TBC1D2: variants seen among roughly 807,000 people sequenced by gnomAD.
TBC1D2 encodes the protein TBC1 domain family member 2A.
TBC1D2 carries 58 observed loss-of-function variants against 91.1 expected under a neutral mutation model. That is an observed-to-expected ratio of 0.64 (90% CI 0.52 to 0.79). The LOEUF (loss-of-function observed/expected upper bound fraction) is 0.79, where lower values mean the gene tolerates loss of function less well. Among genes scored for constraint, TBC1D2 ranks in the 30% least tolerant of loss-of-function variants. TBC1D2 has a pLI of 0.00. For missense variants in TBC1D2, 1,080 were observed against 1,208.3 expected (o/e 0.89, Z 1.57); for synonymous variants, 482 against 511.5 (o/e 0.94, Z 0.78).
At chr9:98,227,343 G>A (rs1016178918) in intron 5 of TBC1D2, among the ~76,000 whole-genome samples, 31 of 152,326 alleles carry the variant, frequency 2.0e-4, no homozygotes, top group African/African-American at 7.5e-4. Context: ...CTGGAACACT[G>A]CATGCACATA....
intron 2 of TBC1D2, among the ~76,000 whole-genome samples, chr9:98,247,455 A>G (rs1464759596): frequency 6.6e-6 from 1 of 150,666 alleles, no homozygotes; most frequent in Admixed American, 6.6e-5. Flanking sequence ...TGGGCTGGGC[A>G]CGATGGCTCA....
Position 98,200,297 on chromosome 9 carries a change from G to T in TBC1D2, c.2535C>A (p.Ile845=). The T allele has an allele frequency of 3.7e-6, 6 of 1,613,842 alleles. No homozygotes were observed. The highest frequency in any genetic ancestry group is 5.1e-6 in the Non-Finnish European group (6 of 1,179,960). The change falls in exon 12 of 13, where the codon ATC becomes ATA. Residue 845 remains isoleucine (I), a synonymous_variant. Transcript: ENST00000465784. ...EILRLQNGLE[I]YQYLRFFTKT... ...TGGTGAAGAAGCGCAGGTACTGGTA[G>T]ATTTCCAGGCCATTCTGTAGCCTCA...
At chr9:98,250,864 TG>T (rs1829859166) in intron 2 of TBC1D2, among the ~76,000 whole-genome samples, 1 of 151,546 alleles carries the variant, frequency 6.6e-6, no homozygotes, top group Non-Finnish European at 1.5e-5. Flanking sequence ...GGCTGCAGCA[TG>T]GGGGTGGGAG....
At chr9:98,220,114 G>C (rs1588043022) in intron 6 of TBC1D2, among the ~76,000 whole-genome samples, 1 of 152,204 alleles carries the variant, frequency 6.6e-6, no homozygotes, top group East Asian at 1.9e-4. Context: ...AGCAGGGATG[G>C]TGGCAGCAGC....
intron 2 of TBC1D2, among the ~76,000 whole-genome samples, chr9:98,249,857 A>G (rs1025203869): frequency 6.6e-6 from 1 of 152,160 alleles, no homozygotes; most frequent in South Asian, 2.1e-4. Flanking sequence ...AGGGGTTTAC[A>G]TTCCTTTCCT....
At chr9:98,200,426 TC>T in intron 11 of TBC1D2, 52 bp from the exon 12 acceptor site, 2 of 1,534,438 alleles carry the variant, frequency 1.3e-6, no homozygotes. Context: ...AGGCAGGTCA[TC>T]CCCGGAGGGA....
intron 5 of TBC1D2, among the ~76,000 whole-genome samples, chr9:98,224,636 T>G (rs547597169): frequency 2.0e-5 from 3 of 152,344 alleles, no homozygotes; most frequent in African/African-American, 7.2e-5. Flanking sequence ...TCTCAGATTT[T>G]GATACGTGGT....
At chr9:98,244,943 G>T (rs1732063626) in intron 2 of TBC1D2, among the ~76,000 whole-genome samples, 4 of 151,964 alleles carry the variant, frequency 2.6e-5, no homozygotes, top group Admixed American at 2.6e-4. Flanking sequence ...GAAAAAGCCA[G>T]ATTAAAAAAA....
chr9:98,210,556 G>T, intron 8 of TBC1D2, 100 bp downstream of exon 8: 1 of 1,176,408 alleles, frequency 8.5e-7, no homozygotes, highest in South Asian at 1.6e-5. Context: ...AGGTAGTGCT[G>T]TGTAGGACTT....
At chr9:98,213,057 CA>C in intron 7 of TBC1D2, 50 bp downstream of exon 7, 1 of 1,599,340 alleles carries the variant, frequency 6.3e-7, no homozygotes, top group Non-Finnish European at 8.6e-7. Flanking sequence ...GCATGGGGAC[CA>C]GCAGAGGGGC....
At position 98,220,888 on chromosome 9, in the gene TBC1D2, G is replaced by A. The variant is rs1220645989; in HGVS notation, c.1319C>T (p.Pro440Leu). ...CAGGAAGTCCCTGTTGGCAGCGTCGGGGCGCAAAGGAGACTGGTCAGGGGG... is the reference window on the plus strand; with the variant it reads ...CAGGAAGTCCCTGTTGGCAGCGTCGAGGCGCAAAGGAGACTGGTCAGGGGG... ...THPPDQSPLR[P>L]DAANRDFLSQ... Residue 440 changes from proline to leucine, a missense_variant, in exon 6 of 13, where the codon CCC becomes CTC. Pro to Leu is a moderately conservative substitution (Grantham distance 98, BLOSUM62 -3). Transcript: ENST00000465784. The A allele has an allele frequency of 2.5e-6, 4 of 1,614,122 alleles. No homozygotes were observed. The highest frequency in any genetic ancestry group is 1.1e-5 in the South Asian group (1 of 91,082).
At chr9:98,239,206 G>C (rs1200291727) in intron 3 of TBC1D2, among the ~76,000 whole-genome samples, 1 of 151,950 alleles carries the variant, frequency 6.6e-6, no homozygotes, top group Non-Finnish European at 1.5e-5. Context: ...CTACAGGTGT[G>C]TGCCACCACA....
chr9:98,199,322 C>T lies in TBC1D2; in HGVS notation c.*59G>A. On this transcript the variant is annotated 3_prime_UTR_variant, in exon 13 of 13. Transcript: ENST00000465784. Reference sequence around the variant, plus strand: ...GGCTGGGCCACTGGTCCGTGCCTGACCTCCAGTGGGTCTGCCAGCCAAGGG... The same window carrying T: ...GGCTGGGCCACTGGTCCGTGCCTGATCTCCAGTGGGTCTGCCAGCCAAGGG... 6.3e-7 allele frequency: 1 copy of T among 1,595,246 alleles called. No individual in the cohort carries two copies. The highest frequency in any genetic ancestry group is 8.6e-7 in the Non-Finnish European group (1 of 1,166,306).
Position 98,199,534 on chromosome 9 carries a change from C to T in TBC1D2, c.2634G>A (p.Leu878=). 1 of 1,614,198 alleles carries T rather than the reference C, an allele frequency of 6.2e-7. No individual in the cohort carries two copies. Among genetic ancestry groups the T allele is most frequent in the Non-Finnish European group, 8.5e-7 (1 of 1,180,046 alleles). ...CCCGGTGGACCATGCGCAGCTGCCGCAGCTGTTTCATGCGGAAGGGGTTCA... is the reference window on the plus strand; with the variant it reads ...CCCGGTGGACCATGCGCAGCTGCCGTAGCTGTTTCATGCGGAAGGGGTTCA... The part of the protein sequence containing the change: ...NDMNPFRMKQ[L]RQLRMVHRER... Residue 878 remains leucine (L), a synonymous_variant, in exon 13 of 13, where the codon CTG becomes CTA. Transcript: ENST00000465784.
At position 98,213,083 on chromosome 9, in the gene TBC1D2, G is replaced by T. The variant is rs567189065; in HGVS notation, c.1485+25C>A. On this transcript the variant is annotated intron_variant, in intron 7 of 12. Transcript: ENST00000465784. ...AGCAGAGGGGCCAGGGATGGAGACG[G>T]CTGGAATAGGGCCCCACCCCGCACC... 5.0e-6 allele frequency: 8 copies of T among 1,613,034 alleles called. No individual in the cohort carries two copies. The South Asian group carries it at 7.7e-5, about 16-fold the overall frequency.
intron 2 of TBC1D2, among the ~76,000 whole-genome samples, chr9:98,244,354 A>G (rs1166998414): frequency 6.6e-6 from 1 of 152,144 alleles, no homozygotes. Flanking sequence ...CCTCCTGCAA[A>G]CCCCTTAAAA....
At chr9:98,233,632 C>T (rs1381907019) in intron 3 of TBC1D2, 83 bp from the exon 4 acceptor site, 1 of 1,560,546 alleles carries the variant, frequency 6.4e-7, no homozygotes, top group Non-Finnish European at 8.7e-7. Flanking sequence ...ACTGCTGGAG[C>T]TCAGGTCTCA....
At chr9:98,212,751 G>A (rs1056439084) in intron 7 of TBC1D2, among the ~76,000 whole-genome samples, 1 of 152,040 alleles carries the variant, frequency 6.6e-6, no homozygotes, top group South Asian at 2.1e-4. Context: ...TGATCCACCC[G>A]CCTCGGCCTC....
intron 6 of TBC1D2, among the ~76,000 whole-genome samples, chr9:98,214,822 G>C (rs975193013): frequency 6.6e-6 from 1 of 152,140 alleles, no homozygotes; most frequent in African/African-American, 2.4e-5. Flanking sequence ...ACACTAGAAG[G>C]GCCTCTGCTC....
Sources: gnomAD v4.1 joint callset for allele counts (sites outside exome capture counted in the v4.1 genomes callset) on GRCh38, gnomAD v4.1.1 for gene constraint, MANE v1.5 for transcripts, NCBI Gene and HGNC (gene_info 2026-07-23, HGNC 2026-07-21) for gene names.